UBE2E2: variants seen among roughly 807,000 people sequenced by gnomAD.
UBE2E2 encodes ubiquitin conjugating enzyme E2 E2.
Under a neutral mutation model 24.7 loss-of-function variants are expected in UBE2E2, and 6 were observed. That is an observed-to-expected ratio of 0.24 (90% CI 0.13 to 0.48). UBE2E2 has a LOEUF of 0.48. UBE2E2 is among the 20% of genes least tolerant of loss of function. The pLI is 0.99. For missense variants in UBE2E2, 169 were observed against 245.0 expected, an observed-to-expected ratio of 0.69 and a Z score of 2.07; for synonymous variants, 104 against 83.6, an observed-to-expected ratio of 1.24 and a Z score of -1.33.
chr3:23,392,239 G>A (rs1406538826), intron 3 of UBE2E2, among the ~76,000 whole-genome samples: 1 of 152,122 alleles, frequency 6.6e-6, no homozygotes, highest in Non-Finnish European at 1.5e-5. Context: ...ATAACATTAT[G>A]CTAGCACACT....
At chr3:23,374,346 A>G (rs994765684) in intron 3 of UBE2E2, among the ~76,000 whole-genome samples, 2 of 152,196 alleles carry the variant, frequency 1.3e-5, no homozygotes, top group Admixed American at 6.5e-5. Context: ...TTTTTAAAAG[A>G]CAGATTATGT....
At chr3:23,356,079 T>C (rs182332044) in intron 3 of UBE2E2, among the ~76,000 whole-genome samples, 1 of 152,302 alleles carries the variant, frequency 6.6e-6, no homozygotes, top group East Asian at 1.9e-4. Context: ...AAGAAGAGGA[T>C]GCACTGAGTA....
chr3:23,348,817 A>G lies in UBE2E2; in HGVS notation c.227+131505A>G, dbSNP rs185413549. Among the ~76,000 whole-genome samples the G allele has an allele frequency of 3.5e-3, 387 of 109,608 alleles. 3 individuals are homozygous for G. Among genetic ancestry groups the G allele is most frequent in the African/African-American group, 0.012 (370 of 30,702 alleles). 71.9% of individuals were successfully genotyped at this position (109,608 alleles called of 152,430 possible). On this transcript the variant is annotated intron_variant, in intron 3 of 5. Coordinates refer to ENST00000396703, the MANE Select transcript of UBE2E2 (RefSeq NM_152653.4). Reference sequence around the variant, plus strand: ...TAGGGTTTCTCTGGGTATGGCCTGCAAAACCCACAGACTTTTGGAAAGTCT... The same window carrying G: ...TAGGGTTTCTCTGGGTATGGCCTGCGAAACCCACAGACTTTTGGAAAGTCT...
intron 4 of UBE2E2, among the ~76,000 whole-genome samples, chr3:23,520,381 T>A (rs897424022): frequency 1.3e-5 from 2 of 152,242 alleles, no homozygotes; most frequent in African/African-American, 4.8e-5. Context: ...TAATTATTAC[T>A]ATTATTTTTG....
At chr3:23,440,879 C>T (rs138196122) in intron 3 of UBE2E2, among the ~76,000 whole-genome samples, 135 of 152,188 alleles carry the variant, frequency 8.9e-4, no homozygotes, top group Admixed American at 7.3e-3. Flanking sequence ...GTTCTTGTTA[C>T]GGCAATGTAG....
At chr3:23,406,181 T>C (rs1697352800) in intron 3 of UBE2E2, among the ~76,000 whole-genome samples, 1 of 152,264 alleles carries the variant, frequency 6.6e-6, no homozygotes, top group Admixed American at 6.5e-5. Flanking sequence ...TCCAAGGCTC[T>C]CCAGTTTGTA....
intron 3 of UBE2E2, among the ~76,000 whole-genome samples, chr3:23,414,047 A>G (rs1697561304): frequency 6.6e-6 from 1 of 152,188 alleles, no homozygotes; most frequent in Admixed American, 6.5e-5. Context: ...CATCTGCCTC[A>G]TCCCATTTAT....
At position 23,367,530 on chromosome 3, in the gene UBE2E2, G is replaced by C. The variant is rs139020074; in HGVS notation, c.228-132078G>C. Among the ~76,000 whole-genome samples the C allele has an allele frequency of 3.6e-3, 551 of 152,230 alleles. 3 individuals are homozygous for C. The highest frequency in any genetic ancestry group is 0.012 in the African/African-American group (504 of 41,538). On this transcript the variant is annotated intron_variant, in intron 3 of 5. Transcript: ENST00000396703. ...CTTGATGACTGATCACGCAGAGGGT[G>C]GTATGCCCAGGAAAGGCATGGAAGC...
At chr3:23,460,443 C>T (rs938807271) in intron 3 of UBE2E2, among the ~76,000 whole-genome samples, 1 of 152,120 alleles carries the variant, frequency 6.6e-6, no homozygotes, top group Admixed American at 6.5e-5. Flanking sequence ...GGAAATGGCA[C>T]CTACATTATG....
At chr3:23,203,516 C>G in intron 1 of UBE2E2, 52 bp downstream of exon 1, 1 of 961,654 alleles carries the variant, frequency 1.0e-6, no homozygotes, top group Admixed American at 6.5e-5. Context: ...TCCTCCCTCT[C>G]GCTGACGTCC....
chr3:23,396,303 T>TCA (rs1553608066), intron 3 of UBE2E2, among the ~76,000 whole-genome samples: 1 of 128,042 alleles, frequency 7.8e-6, no homozygotes, highest in Non-Finnish European at 1.7e-5. Flanking sequence ...CATTTATTTT[T>TCA]TATATATATA....
chr3:23,588,089 G>C (rs1480474928), intron 5 of UBE2E2, among the ~76,000 whole-genome samples: 1 of 152,132 alleles, frequency 6.6e-6, no homozygotes, highest in East Asian at 1.9e-4. Context: ...GAGAACATAT[G>C]ACCATGAGTG....
chr3:23,395,479 A>T (rs182264402), intron 3 of UBE2E2, among the ~76,000 whole-genome samples: 56 of 152,232 alleles, frequency 3.7e-4, no homozygotes, highest in African/African-American at 1.3e-3. Context: ...AAGTTATCCA[A>T]CCTATCCGAG....
At chr3:23,333,933 C>T (rs189859868) in intron 3 of UBE2E2, among the ~76,000 whole-genome samples, 12 of 152,262 alleles carry the variant, frequency 7.9e-5, no homozygotes, top group African/African-American at 2.6e-4. Flanking sequence ...AAGTTCAGAT[C>T]ATAGAACTTA....
In UBE2E2 at chr3:23,330,932, A is replaced by G. The variant is rs966102167; in HGVS notation, c.227+113620A>G. On this transcript the variant is annotated intron_variant, in intron 3 of 5. Transcript: ENST00000396703. Reference sequence around the variant, plus strand: ...TAATTTTTTCTAATTATCTTTTATGATTCTGTAATACCTAGGTAGTTTATG... The same window carrying G: ...TAATTTTTTCTAATTATCTTTTATGGTTCTGTAATACCTAGGTAGTTTATG... Among the ~76,000 whole-genome samples, 4 of 152,318 alleles carry G rather than the reference A, an allele frequency of 2.6e-5. No homozygotes were observed. The East Asian group carries it at 7.7e-4, about 29-fold the overall frequency.
chr3:23,425,988 C>G (rs1240434563), intron 3 of UBE2E2, among the ~76,000 whole-genome samples: 1 of 151,886 alleles, frequency 6.6e-6, no homozygotes, highest in African/African-American at 2.4e-5. Context: ...ACTAAGGGCT[C>G]TAGGGATAAA....
chr3:23,215,123 A>G lies in UBE2E2; in HGVS notation c.177-2139A>G, dbSNP rs572373535. Reference sequence around the variant, plus strand: ...ATTTAAACTTCTGTTTCTTATTCCTATGAATAACATGTTTTTTATTCTCTA... The same window carrying G: ...ATTTAAACTTCTGTTTCTTATTCCTGTGAATAACATGTTTTTTATTCTCTA... On this transcript the variant is annotated intron_variant, in intron 2 of 5. Transcript: ENST00000396703. 2.0e-4 allele frequency among the ~76,000 whole-genome samples: 31 copies of G among 152,196 alleles called. No homozygotes were observed. In the East Asian group the frequency reaches 4.6e-3, roughly 23 times the overall value.
Position 23,553,414 on chromosome 3 carries a change from T to C in UBE2E2, c.508+20713T>C, listed in dbSNP as rs182568436. Reference sequence around the variant, plus strand: ...CTGCTTTTAATCTCTTTTAAGTTAATACTTCAGTATACTGGTAGCTATAAC... The same window carrying C: ...CTGCTTTTAATCTCTTTTAAGTTAACACTTCAGTATACTGGTAGCTATAAC... On this transcript the variant is annotated intron_variant, in intron 5 of 5. Transcript: ENST00000396703. Among the ~76,000 whole-genome samples, 97 of 152,302 alleles carry C rather than the reference T, an allele frequency of 6.4e-4. No individual in the cohort carries two copies. The South Asian group carries it at 8.5e-3, about 13-fold the overall frequency.
intron 3 of UBE2E2, among the ~76,000 whole-genome samples, chr3:23,442,326 A>G (rs901484305): frequency 2.0e-5 from 3 of 152,182 alleles, no homozygotes; most frequent in Middle Eastern, 3.4e-3. Context: ...CCTGCTACTG[A>G]TGGGTATATA....
Sources: gnomAD v4.1 joint callset for allele counts (sites outside exome capture counted in the v4.1 genomes callset) on GRCh38, gnomAD v4.1.1 for gene constraint, MANE v1.5 for transcripts, NCBI Gene and HGNC (gene_info 2026-07-23, HGNC 2026-07-21) for gene names.